Variants in MNAT1 observed in about 807,000 individuals in gnomAD.
MNAT1 encodes CDK-activating kinase assembly factor MAT1.
MNAT1 carries 43 observed loss-of-function variants against 42.0 expected under a neutral mutation model. The ratio of observed to expected loss-of-function variants is 1.02; its 90% CI spans 0.80 to 1.32. The LOEUF is 1.32. Ranked by LOEUF, MNAT1 falls within the 40% of genes most tolerant of loss-of-function variation. MNAT1 has a pLI of 0.00. For synonymous variants in MNAT1, 118 were observed against 120.0 expected (o/e 0.98, Z 0.11); for missense variants, 306 against 350.4 (o/e 0.87, Z 1.01).
chr14:60,918,285 T>C (rs1328404303), intron 7 of MNAT1, among the ~76,000 whole-genome samples: 1 of 129,102 alleles, frequency 7.7e-6, no homozygotes, highest in African/African-American at 2.8e-5. Context: ...CTTGGCTCAC[T>C]GCAAGCTCTG....
rs111528845 is a variant in MNAT1 at position 60,771,526 on chromosome 14, C to T, written c.90-24691C>T. Among the ~76,000 whole-genome samples, 190 of 152,264 alleles carry T rather than the reference C, an allele frequency of 1.2e-3. 1 individual carries two copies. The highest frequency in any genetic ancestry group is 4.4e-3 in the African/African-American group (181 of 41,548). Reference sequence around the variant, plus strand: ...CTTAAAATAAGTAATTTATGTTCTGCCACTTCTGTATTCTAAACTCTGTAG... The same window carrying T: ...CTTAAAATAAGTAATTTATGTTCTGTCACTTCTGTATTCTAAACTCTGTAG... On this transcript the variant is annotated intron_variant, in intron 1 of 7. Transcript: ENST00000261245.
intron 6 of MNAT1, among the ~76,000 whole-genome samples, chr14:60,853,406 A>C (rs180735624): frequency 1.4e-4 from 22 of 152,282 alleles, no homozygotes; most frequent in African/African-American, 5.3e-4. Flanking sequence ...GTATCCTGAG[A>C]CTTTGCTGAA....
chr14:60,844,249 A>G (rs1409274489), intron 6 of MNAT1, among the ~76,000 whole-genome samples: 2 of 152,018 alleles, frequency 1.3e-5, no homozygotes, highest in African/African-American at 4.8e-5. Context: ...TCAGTTTGTC[A>G]GTTTTTACAA....
chr14:60,861,573 T>TTG (rs3049925), intron 6 of MNAT1, among the ~76,000 whole-genome samples: 143,904 of 152,062 alleles, frequency 0.95, 68,369 homozygotes, highest in Non-Finnish European at 0.99. Context: ...TTAAAAAAAT[T>TTG]TGAAAAGGTC....
Position 60,967,934 on chromosome 14 carries a change from C to G in MNAT1, c.810-295C>G, listed in dbSNP as rs371012250. 4.6e-5 allele frequency among the ~76,000 whole-genome samples: 7 copies of G among 152,294 alleles called. No individual in the cohort carries two copies. In the South Asian group the frequency reaches 1.4e-3, roughly 32 times the overall value. On this transcript the variant is annotated intron_variant, in intron 7 of 7. Coordinates refer to ENST00000261245, the MANE Select transcript of MNAT1 (RefSeq NM_002431.4). ...CCAAAAAACAGCCAACAAAACAAATCAGCTCTGAAAATCGTGAAGCAGTGA... is the reference window on the plus strand; with the variant it reads ...CCAAAAAACAGCCAACAAAACAAATGAGCTCTGAAAATCGTGAAGCAGTGA...
chr14:60,945,641 T>C (rs2036256503), intron 7 of MNAT1, among the ~76,000 whole-genome samples: 1 of 152,240 alleles, frequency 6.6e-6, no homozygotes, highest in African/African-American at 2.4e-5. Context: ...CATTAGTATT[T>C]TAGTGTTTTC....
At chr14:60,925,564 T>C (rs1028978098) in intron 7 of MNAT1, among the ~76,000 whole-genome samples, 3 of 152,242 alleles carry the variant, frequency 2.0e-5, no homozygotes, top group African/African-American at 7.2e-5. Flanking sequence ...CAAGTTTTGC[T>C]CATTTTGCTT....
chr14:60,829,904 C>T (rs2033166644), intron 6 of MNAT1, among the ~76,000 whole-genome samples: 1 of 152,096 alleles, frequency 6.6e-6, no homozygotes, highest in Non-Finnish European at 1.5e-5. Context: ...GCCAATCTGC[C>T]TATCAGTAGA....
intron 1 of MNAT1, among the ~76,000 whole-genome samples, chr14:60,763,363 A>T (rs1463111127): frequency 2.6e-5 from 4 of 152,206 alleles, no homozygotes; most frequent in African/African-American, 4.8e-5. Flanking sequence ...TTTCCAGCAT[A>T]GGTACATATA....
At chr14:60,897,883 C>T (rs192414691) in intron 7 of MNAT1, among the ~76,000 whole-genome samples, 1 of 152,126 alleles carries the variant, frequency 6.6e-6, no homozygotes, top group Admixed American at 6.6e-5. Flanking sequence ...ACTAACCTCT[C>T]TTTATTTTTC....
At chr14:60,909,928 T>A (rs1430094399) in intron 7 of MNAT1, among the ~76,000 whole-genome samples, 1 of 152,160 alleles carries the variant, frequency 6.6e-6, no homozygotes, top group Admixed American at 6.5e-5. Flanking sequence ...ATGGCCATTT[T>A]CACGATATTG....
chr14:60,748,982 A>G (rs1190584982), intron 1 of MNAT1, among the ~76,000 whole-genome samples: 1 of 152,198 alleles, frequency 6.6e-6, no homozygotes, highest in African/African-American at 2.4e-5. Context: ...ACAGGTGAGT[A>G]ATGTGTTATG....
At chr14:60,801,661 A>G (rs924065254) in intron 3 of MNAT1, among the ~76,000 whole-genome samples, 7 of 152,238 alleles carry the variant, frequency 4.6e-5, no homozygotes, top group African/African-American at 1.7e-4. Flanking sequence ...AATGGGTATT[A>G]TCAAAAAGAT....
chr14:60,836,239 A>G (rs1033985145), intron 6 of MNAT1, among the ~76,000 whole-genome samples: 2 of 152,166 alleles, frequency 1.3e-5, no homozygotes, highest in Admixed American at 6.5e-5. Context: ...TACTTCTGTC[A>G]GTTCATCAAA....
intron 7 of MNAT1, among the ~76,000 whole-genome samples, chr14:60,883,762 T>C (rs991155463): frequency 5.9e-5 from 9 of 152,058 alleles, no homozygotes; most frequent in Admixed American, 2.0e-4. Context: ...TGCGTCAGTA[T>C]TTTATAGTTT....
In MNAT1 at chr14:60,920,830, A is replaced by G. The variant is rs917404548; in HGVS notation, c.809+40995A>G. 2.6e-5 allele frequency among the ~76,000 whole-genome samples: 4 copies of G among 152,158 alleles called. 1 individual carries two copies. In the South Asian group the frequency reaches 8.3e-4, roughly 32 times the overall value. On this transcript the variant is annotated intron_variant, in intron 7 of 7. Transcript: ENST00000261245. ...AATTGTATTTCTATTTAGAGAGACT[A>G]ATTTTTGTTTTTAAAAGGAAAAACA...
chr14:60,817,023 T>C (rs1477913739), intron 5 of MNAT1, among the ~76,000 whole-genome samples: 2 of 151,992 alleles, frequency 1.3e-5, no homozygotes, highest in African/African-American at 4.8e-5. Context: ...GTTGCTTTTA[T>C]GTAAGAATTT....
chr14:60,918,282 C>T (rs1392883826), intron 7 of MNAT1, among the ~76,000 whole-genome samples: 2 of 125,458 alleles, frequency 1.6e-5, no homozygotes, highest in Non-Finnish European at 3.2e-5. Context: ...GATCTTGGCT[C>T]ACTGCAAGCT....
At chr14:60,840,117 T>C (rs1228273399) in intron 6 of MNAT1, among the ~76,000 whole-genome samples, 1 of 152,266 alleles carries the variant, frequency 6.6e-6, no homozygotes, top group Admixed American at 6.5e-5. Context: ...ATTACAGATA[T>C]TAAATGTTAT....
Sources: allele counts gnomAD v4.1 joint callset (sites outside exome capture counted in the v4.1 genomes callset), GRCh38; gene constraint gnomAD v4.1.1; transcripts MANE v1.5; gene names NCBI Gene and HGNC (gene_info 2026-07-23, HGNC 2026-07-21).